The following LRMDA variants were observed in gnomAD, a reference collection of about 807,000 sequenced individuals.
LRMDA encodes the protein leucine rich melanocyte differentiation associated.
LRMDA carries 18 observed loss-of-function variants against 29.8 expected under a neutral mutation model. The observed-to-expected ratio is 0.60, with a 90% CI of 0.42 to 0.90. The LOEUF is 0.90. Among genes scored for constraint, LRMDA ranks in the 40% least tolerant of loss-of-function variants. LRMDA has a pLI of 0.00. For missense variants in LRMDA, 273 were observed against 273.9 expected (o/e 1.00, Z 0.02); for synonymous variants, 125 against 109.4 (o/e 1.14, Z -0.89).
At chr10:75,583,571 C>A (rs980927435) in intron 2 of LRMDA, among the ~76,000 whole-genome samples, 1 of 152,180 alleles carries the variant, frequency 6.6e-6, no homozygotes, top group African/African-American at 2.4e-5. Context: ...TCCTATCAGG[C>A]CTCACCTCCA....
At chr10:75,744,852 C>G (rs1192709528) in intron 2 of LRMDA, among the ~76,000 whole-genome samples, 1 of 152,174 alleles carries the variant, frequency 6.6e-6, no homozygotes, top group Non-Finnish European at 1.5e-5. Context: ...GCTATGTATT[C>G]AGATTCAGAG....
At chr10:75,694,936 G>T (rs1421111772) in intron 2 of LRMDA, among the ~76,000 whole-genome samples, 1 of 152,174 alleles carries the variant, frequency 6.6e-6, no homozygotes, top group Non-Finnish European at 1.5e-5. Context: ...GACAGTCACT[G>T]TCTGACTGCT....
chr10:75,473,944 A>G (rs1165769532), intron 2 of LRMDA, among the ~76,000 whole-genome samples: 1 of 152,148 alleles, frequency 6.6e-6, no homozygotes, highest in African/African-American at 2.4e-5. Flanking sequence ...ATTGAGTATC[A>G]AGTTTGGTAG....
At chr10:76,312,219 G>A (rs1187651497) in intron 5 of LRMDA, among the ~76,000 whole-genome samples, 1 of 152,208 alleles carries the variant, frequency 6.6e-6, no homozygotes, top group African/African-American at 2.4e-5. Context: ...GCATGTGACA[G>A]TGTCTGCTTA....
At chr10:76,325,051 G>C (rs1840817712) in intron 6 of LRMDA, among the ~76,000 whole-genome samples, 3 of 152,204 alleles carry the variant, frequency 2.0e-5, no homozygotes, top group Admixed American at 2.0e-4. Flanking sequence ...TTCAAAAGCA[G>C]ACAGAACACT....
At chr10:75,448,048 G>C (rs1270411647) in intron 2 of LRMDA, among the ~76,000 whole-genome samples, 1 of 152,174 alleles carries the variant, frequency 6.6e-6, no homozygotes, top group Non-Finnish European at 1.5e-5. Flanking sequence ...TTTGTGCCAC[G>C]GTAAGACTGG....
chr10:76,553,566 C>T (rs763880077), intron 6 of LRMDA, among the ~76,000 whole-genome samples: 12 of 152,198 alleles, frequency 7.9e-5, no homozygotes, highest in Non-Finnish European at 1.5e-4. Flanking sequence ...ACTTAATTTA[C>T]GAGCAGAGCC....
intron 2 of LRMDA, among the ~76,000 whole-genome samples, chr10:75,740,340 C>T (rs953913652): frequency 6.6e-5 from 10 of 152,088 alleles, no homozygotes; most frequent in African/African-American, 2.2e-4. Context: ...CCTGGGAACA[C>T]GGGTGTCTGC....
intron 5 of LRMDA, among the ~76,000 whole-genome samples, chr10:76,200,720 T>C (rs183188096): frequency 1.4e-4 from 21 of 151,358 alleles, no homozygotes; most frequent in East Asian, 3.9e-4. Context: ...TTTTCTTTTT[T>C]TTTTTTTTCT....
intron 2 of LRMDA, among the ~76,000 whole-genome samples, chr10:75,808,477 A>T (rs1375568504): frequency 1.3e-5 from 2 of 152,188 alleles, no homozygotes; most frequent in Non-Finnish European, 2.9e-5. Context: ...CTAGAAAGTC[A>T]TCTTTCTATA....
chr10:75,724,884 G>A (rs186227042), intron 2 of LRMDA, among the ~76,000 whole-genome samples: 2 of 152,272 alleles, frequency 1.3e-5, no homozygotes, highest in Admixed American at 1.3e-4. Flanking sequence ...CCTGTCTCCA[G>A]AACCAAATCC....
At position 75,761,697 on chromosome 10, in the gene LRMDA, C is replaced by T. The variant is rs144429683; in HGVS notation, c.132-274311C>T. Among the ~76,000 whole-genome samples, 38 of 151,338 alleles carry T rather than the reference C, an allele frequency of 2.5e-4. No homozygotes were observed. The East Asian group carries it at 3.1e-3, about 12-fold the overall frequency. On this transcript the variant is annotated intron_variant, in intron 2 of 6. Transcript: ENST00000611255. ...ACTTATAATGGTAAATTTTATGGTA[C>T]GTATGTTTTACCACAATAAAAAAGA...
At chr10:76,504,833 C>T (rs973426501) in intron 6 of LRMDA, among the ~76,000 whole-genome samples, 18 of 151,918 alleles carry the variant, frequency 1.2e-4, no homozygotes, top group African/African-American at 4.4e-4. Flanking sequence ...GATTTTGACC[C>T]TGTCATCATA....
At chr10:75,802,772 T>A (rs1843776384) in intron 2 of LRMDA, among the ~76,000 whole-genome samples, 1 of 152,154 alleles carries the variant, frequency 6.6e-6, no homozygotes, top group Admixed American at 6.5e-5. Context: ...ACTCTTCCAA[T>A]TTAATGTCTT....
chr10:75,969,325 A>G (rs1248082600), intron 2 of LRMDA, among the ~76,000 whole-genome samples: 1 of 152,226 alleles, frequency 6.6e-6, no homozygotes, highest in Non-Finnish European at 1.5e-5. Flanking sequence ...AGTAATAATA[A>G]CCTTACCAAT....
chr10:76,552,535 G>A (rs1237461490), intron 6 of LRMDA, among the ~76,000 whole-genome samples: 2 of 152,134 alleles, frequency 1.3e-5, no homozygotes, highest in Non-Finnish European at 1.5e-5. Context: ...TATTGGACCT[G>A]GTGTTCTCAT....
intron 5 of LRMDA, among the ~76,000 whole-genome samples, chr10:76,128,689 C>T (rs1191150642): frequency 6.6e-6 from 1 of 152,166 alleles, no homozygotes; most frequent in African/African-American, 2.4e-5. Context: ...TGAAGATGCC[C>T]AAAGACTCTA....
chr10:75,530,292 G>A (rs1845461818), intron 2 of LRMDA, among the ~76,000 whole-genome samples: 2 of 151,910 alleles, frequency 1.3e-5, no homozygotes, highest in African/African-American at 2.4e-5. Flanking sequence ...AACATTGATT[G>A]ATGAGAATGA....
At chr10:75,903,916 C>T (rs1845718596) in intron 2 of LRMDA, among the ~76,000 whole-genome samples, 1 of 152,150 alleles carries the variant, frequency 6.6e-6, no homozygotes, top group South Asian at 2.1e-4. Flanking sequence ...AGCTTCTTCG[C>T]AAATGAAATG....
Sources: gnomAD v4.1 joint callset for allele counts (sites outside exome capture counted in the v4.1 genomes callset) on GRCh38, gnomAD v4.1.1 for gene constraint, MANE v1.5 for transcripts, NCBI Gene and HGNC (gene_info 2026-07-23, HGNC 2026-07-21) for gene names.